CCDC198: variants seen among roughly 807,000 people sequenced by gnomAD.
The protein encoded by CCDC198 is factor associated with metabolism and energy.
CCDC198 carries 18 observed loss-of-function variants against 35.6 expected under a neutral mutation model. That is an observed-to-expected ratio of 0.51 (90% CI 0.35 to 0.75). The LOEUF is 0.75. CCDC198 is among the 30% of genes least tolerant of loss of function. The pLI, the probability that CCDC198 is intolerant of heterozygous loss-of-function variation, is 0.01. For synonymous variants in CCDC198, 119 were observed against 113.4 expected (o/e 1.05, Z -0.31); for missense variants, 365 against 343.7 (o/e 1.06, Z -0.49).
At chr14:57,489,969 C>A (rs1038657717) in intron 2 of CCDC198, among the ~76,000 whole-genome samples, 2 of 151,614 alleles carry the variant, frequency 1.3e-5, no homozygotes, top group Non-Finnish European at 2.9e-5. Context: ...TTTTCTTTAT[C>A]TAAATAATGA....
intron 5 of CCDC198, among the ~76,000 whole-genome samples, chr14:57,472,970 T>C (rs933217300): frequency 2.6e-5 from 4 of 152,244 alleles, no homozygotes; most frequent in African/African-American, 9.6e-5. Flanking sequence ...TCTTTTGGCA[T>C]AGTTTATGTA....
At chr14:57,478,363 A>G (rs2067071036) in intron 5 of CCDC198, 1 of 694,622 alleles carries the variant, frequency 1.4e-6, no homozygotes, top group Non-Finnish European at 1.8e-6. Context: ...CCCTGGGGCG[A>G]ATAGTAGCTC....
chr14:57,471,725 A>T (rs993100050), intron 5 of CCDC198, 135 bp from the exon 6 acceptor site: 25 of 66,612 alleles, frequency 3.8e-4, no homozygotes, highest in Admixed American at 7.5e-4. Context: ...TTATATATAT[A>T]TATAATATAT....
In CCDC198 at chr14:57,493,580, A is replaced by C. The variant is rs765473482; in HGVS notation, c.136T>G (p.Ser46Ala). The part of the protein sequence containing the change: ...NQNLEEKTSY[S>A]LARLQDQNKA... ...TTCTGGTCCTGCAGTCTTGCCAGTG[A>C]ATATGAAGTCTTTTCTTCCAAATTC... Residue 46 changes from serine to alanine, a missense_variant, in exon 1 of 6, where the codon TCA (serine) becomes GCA (alanine). By Grantham distance (99) the Ser-to-Ala change is moderately conservative. Coordinates refer to ENST00000216445, the MANE Select transcript of CCDC198 (RefSeq NM_018168.4). 1.4e-5 allele frequency: 23 copies of C among 1,613,862 alleles called. 2 individuals are homozygous for C. The South Asian group carries it at 2.4e-4, about 17-fold the overall frequency.
chr14:57,490,834 A>G (rs2067539858), intron 2 of CCDC198, 155 bp downstream of exon 2: 1 of 716,560 alleles, frequency 1.4e-6, no homozygotes, highest in East Asian at 2.9e-5. Context: ...TCTTAAAGTA[A>G]TAGAGTATTT....
intron 1 of CCDC198, among the ~76,000 whole-genome samples, chr14:57,491,815 C>G (rs531374388): frequency 6.6e-6 from 1 of 152,182 alleles, no homozygotes; most frequent in African/African-American, 2.4e-5. Context: ...CACATTCTGA[C>G]TTCTAGATTG....
chr14:57,483,164 C>A lies in CCDC198; in HGVS notation c.307-13G>T. On this transcript the variant is annotated splice_polypyrimidine_tract_variant and intron_variant, in intron 2 of 5. Coordinates refer to ENST00000216445, the MANE Select transcript of CCDC198 (RefSeq NM_018168.4). ...TGGGTTCAAGCTTCTAGAAGTTCAACGTTTAGAGCAGTCAGCATTCCTCAT... is the reference window on the plus strand; with the variant it reads ...TGGGTTCAAGCTTCTAGAAGTTCAAAGTTTAGAGCAGTCAGCATTCCTCAT... 2 of 1,613,938 alleles carry A rather than the reference C, an allele frequency of 1.2e-6. No individual in the cohort carries two copies. Among genetic ancestry groups the A allele is most frequent in the African/African-American group, 1.3e-5 (1 of 75,016 alleles).
intron 5 of CCDC198, among the ~76,000 whole-genome samples, chr14:57,474,718 T>C (rs764666295): frequency 6.6e-6 from 1 of 152,078 alleles, no homozygotes; most frequent in Non-Finnish European, 1.5e-5. Context: ...CTTTAAAAAA[T>C]AAAAACACAG....
intron 2 of CCDC198, among the ~76,000 whole-genome samples, chr14:57,483,883 G>A (rs2067269801): frequency 6.6e-6 from 1 of 152,206 alleles, no homozygotes; most frequent in Non-Finnish European, 1.5e-5. Context: ...TTCCTTCAGT[G>A]ACTACTTAAT....
At chr14:57,477,608 C>G (rs549542002) in intron 5 of CCDC198, among the ~76,000 whole-genome samples, 2 of 152,282 alleles carry the variant, frequency 1.3e-5, no homozygotes, top group East Asian at 3.9e-4. Flanking sequence ...TGTTCAAAAT[C>G]ACTTGAGGAA....
At chr14:57,489,124 A>G (rs184449055) in intron 2 of CCDC198, among the ~76,000 whole-genome samples, 1 of 152,330 alleles carries the variant, frequency 6.6e-6, no homozygotes, top group East Asian at 1.9e-4. Flanking sequence ...GAATCAACCT[A>G]CATGCCCACC....
intron 2 of CCDC198, among the ~76,000 whole-genome samples, chr14:57,487,795 C>T (rs1010456066): frequency 1.3e-5 from 2 of 152,108 alleles, no homozygotes; most frequent in Non-Finnish European, 1.5e-5. Context: ...TATTAATTAG[C>T]ATGTCATGAG....
rs772007198 is a variant in CCDC198 at position 57,471,448 on chromosome 14, A to G, written c.798T>C (p.Asp266=). Residue 266 remains aspartate (D), a synonymous_variant, in exon 6 of 6, where the codon GAT becomes GAC. Transcript: ENST00000216445. ...LLWDSSSSDS[D]EQGKDEKKPR... ...GCTTCTTCTCATCTTTCCCCTGCTC[A>G]TCTGAGTCAGAGCTGGAACTGTCCC... 4.3e-6 allele frequency: 7 copies of G among 1,613,790 alleles called. No homozygotes were observed. The African/African-American group carries it at 9.4e-5, about 22-fold the overall frequency.
rs116473114 is a variant in CCDC198 at position 57,480,367 on chromosome 14, C to A, written c.655+228G>T. 751 of 905,556 alleles carry A rather than the reference C, an allele frequency of 8.3e-4. 7 individuals carry two copies. The African/African-American group carries it at 0.013, about 16-fold the overall frequency. The allele number at this position is 905,556 out of a possible 1,614,324, so 56.1% of individuals were successfully genotyped here. A position where few individuals can be genotyped will look rare whatever the true frequency, so the allele number is the denominator to read the frequency against. On this transcript the variant is annotated intron_variant, in intron 5 of 5. Coordinates refer to ENST00000216445, the MANE Select transcript of CCDC198 (RefSeq NM_018168.4). ...AATGAAGCATGCAAAGCATATTAAA[C>A]CCATACAAAGAAAGAGACATTTAAT...
chr14:57,476,081 G>A (rs2066988226), intron 5 of CCDC198, among the ~76,000 whole-genome samples: 1 of 151,960 alleles, frequency 6.6e-6, no homozygotes, highest in Non-Finnish European at 1.5e-5. Flanking sequence ...GGGATTACAG[G>A]CATGAGCTAT....
At chr14:57,475,778 C>CATTTGT in intron 5 of CCDC198, 1 of 277,766 alleles carries the variant, frequency 3.6e-6, no homozygotes, top group Non-Finnish European at 6.8e-6. Context: ...ATTTGTACGG[C>CATTTGT]ACTTAGCTTC....
At chr14:57,483,475 T>C (rs948674308) in intron 2 of CCDC198, among the ~76,000 whole-genome samples, 11 of 152,136 alleles carry the variant, frequency 7.2e-5, no homozygotes, top group Admixed American at 5.2e-4. Flanking sequence ...TCTTAGAATA[T>C]TAGAGATAAA....
chr14:57,472,490 G>T (rs976176267), intron 5 of CCDC198, among the ~76,000 whole-genome samples: 11 of 152,114 alleles, frequency 7.2e-5, no homozygotes, highest in Non-Finnish European at 1.3e-4. Context: ...GTGACATTGG[G>T]TAGTGCTTTT....
chr14:57,478,520 C>T lies in CCDC198; in HGVS notation c.655+2075G>A, dbSNP rs77583460. On this transcript the variant is annotated intron_variant, in intron 5 of 5. Transcript: ENST00000216445. ...AGCATCAGGAGAGCAGAGGAAAACC[C>T]CTTTCTCCATGTGCCAGTTTCTCCT... The T allele has an allele frequency of 1.5e-3, 1,470 of 986,784 alleles. 20 individuals carry two copies. The African/African-American group carries it at 0.024, about 16-fold the overall frequency. The allele number at this position is 986,784 out of a possible 1,614,324, so 61.1% of individuals were successfully genotyped here.
Sources: allele counts gnomAD v4.1 joint callset (sites outside exome capture counted in the v4.1 genomes callset), GRCh38; gene constraint gnomAD v4.1.1; transcripts MANE v1.5; gene names NCBI Gene and HGNC (gene_info 2026-07-23, HGNC 2026-07-21).